The following AKAP7 variants were observed in gnomAD, a reference collection of about 807,000 sequenced individuals.
The protein encoded by AKAP7 is A-kinase anchoring protein 7.
In AKAP7, 39 loss-of-function variants were observed where a neutral mutation model predicts 39.5. The ratio of observed to expected loss-of-function variants is 0.99; its 90% CI spans 0.76 to 1.29. The LOEUF (loss-of-function observed/expected upper bound fraction) is 1.29, where lower values mean the gene tolerates loss of function less well. Ranked by LOEUF, AKAP7 falls within the 50% of genes most tolerant of loss-of-function variation. The probability of loss-of-function intolerance (pLI) is 0.00; values close to 1 mark genes in which losing one functional copy is unlikely to be tolerated. For synonymous variants in AKAP7, 140 were observed against 139.1 expected (o/e 1.01, Z -0.05); for missense variants, 414 against 407.7 (o/e 1.02, Z -0.13).
intron 7 of AKAP7, among the ~76,000 whole-genome samples, chr6:131,232,118 C>A (rs553581023): frequency 6.6e-6 from 1 of 152,218 alleles, no homozygotes; most frequent in African/African-American, 2.4e-5. Context: ...AAAATCCAAC[C>A]GTCTGTTGGT....
rs761831718 is a variant in AKAP7, at chr6:131,242,640, A to G, written c.850+22832A>G. The stretch of plus-strand genomic sequence containing the variant: ...CTAGTAGCTTGCCTATTCTGAGCCC[A>G]TTTTCTTCGTTTTCACTGTGATAAA... On this transcript the variant is annotated intron_variant, in intron 7 of 7. Transcript: ENST00000431975. Among the ~76,000 whole-genome samples the G allele has an allele frequency of 5.3e-5, 8 of 151,916 alleles. No homozygotes were observed. The East Asian group carries it at 1.5e-3, about 29-fold the overall frequency.
chr6:131,162,977 G>T (rs1328835664), intron 3 of AKAP7, among the ~76,000 whole-genome samples: 1 of 150,992 alleles, frequency 6.6e-6, no homozygotes. Flanking sequence ...AAGAGTAGGT[G>T]CGCACACATA....
intron 7 of AKAP7, among the ~76,000 whole-genome samples, chr6:131,233,056 TATATC>T (rs1193990680): frequency 6.6e-6 from 1 of 152,066 alleles, no homozygotes; most frequent in Non-Finnish European, 1.5e-5. Flanking sequence ...TACAATATTT[TATATC>T]ATAGGTGAAG....
At chr6:131,145,696 T>C (rs1197647041) in intron 2 of AKAP7, among the ~76,000 whole-genome samples, 3 of 152,068 alleles carry the variant, frequency 2.0e-5, no homozygotes, top group African/African-American at 7.2e-5. Context: ...ACCACAGGCA[T>C]GTGTGGCACC....
intron 4 of AKAP7, 120 bp from the exon 5 acceptor site, chr6:131,168,993 T>G: frequency 1.1e-6 from 1 of 904,216 alleles, no homozygotes. Flanking sequence ...ATTTTGAGCC[T>G]TAAAATAATT....
chr6:131,261,769 G>GTAAA, intron 7 of AKAP7, among the ~76,000 whole-genome samples: 1 of 152,202 alleles, frequency 6.6e-6, no homozygotes, highest in African/African-American at 2.4e-5. Flanking sequence ...TTAGTCCGCT[G>GTAAA]TAAATAAAAC....
At chr6:131,235,578 C>G (rs1009769204) in intron 7 of AKAP7, among the ~76,000 whole-genome samples, 10 of 152,162 alleles carry the variant, frequency 6.6e-5, no homozygotes, top group Admixed American at 1.3e-4. Context: ...CTGTTGTTTC[C>G]TGACTTTTTA....
chr6:131,250,451 T>C, intron 7 of AKAP7: 1 of 1,566,980 alleles, frequency 6.4e-7, no homozygotes, highest in Non-Finnish European at 8.7e-7. Flanking sequence ...AAGCTGCCTG[T>C]GCTGCTCCGT....
intron 2 of AKAP7, among the ~76,000 whole-genome samples, chr6:131,146,247 C>T (rs892778017): frequency 1.3e-5 from 2 of 152,190 alleles, no homozygotes; most frequent in East Asian, 3.9e-4. Flanking sequence ...TTGAGAGCTT[C>T]ATTCACAAAC....
intron 7 of AKAP7, among the ~76,000 whole-genome samples, chr6:131,275,632 C>T (rs183992781): frequency 1.0e-3 from 158 of 152,274 alleles, no homozygotes; most frequent in African/African-American, 3.7e-3. Context: ...AGGTGGGCTG[C>T]GTGGCCTACA....
At chr6:131,175,882 C>G (rs1166847225) in intron 5 of AKAP7, among the ~76,000 whole-genome samples, 1 of 152,160 alleles carries the variant, frequency 6.6e-6, no homozygotes, top group Non-Finnish European at 1.5e-5. Context: ...TTGTACTTCT[C>G]CACAACTATC....
chr6:131,139,497 C>G (rs1306357424), intron 1 of AKAP7, among the ~76,000 whole-genome samples: 1 of 152,120 alleles, frequency 6.6e-6, no homozygotes, highest in African/African-American at 2.4e-5. Flanking sequence ...GATACTAGTA[C>G]TTTTCCTTTA....
chr6:131,140,332 T>G (rs999641017), intron 1 of AKAP7, among the ~76,000 whole-genome samples: 3 of 152,184 alleles, frequency 2.0e-5, no homozygotes, highest in African/African-American at 7.2e-5. Flanking sequence ...ATTGTTACCG[T>G]GTGATTCTCT....
intron 5 of AKAP7, among the ~76,000 whole-genome samples, chr6:131,178,269 T>G (rs1804764834): frequency 6.6e-6 from 1 of 152,218 alleles, no homozygotes; most frequent in South Asian, 2.1e-4. Context: ...AGCAATTTAC[T>G]TCACCTCCCA....
At chr6:131,265,851 A>G (rs988312401) in intron 7 of AKAP7, among the ~76,000 whole-genome samples, 5 of 152,210 alleles carry the variant, frequency 3.3e-5, no homozygotes, top group Non-Finnish European at 7.3e-5. Flanking sequence ...TTTTGACTTC[A>G]ATGTGTGGGG....
At chr6:131,257,421 A>G (rs186894513) in intron 7 of AKAP7, among the ~76,000 whole-genome samples, 11 of 150,796 alleles carry the variant, frequency 7.3e-5, no homozygotes, top group East Asian at 2.0e-4. Context: ...TTTTATTTCT[A>G]CCTTATGCAG....
upstream of AKAP7, among the ~76,000 whole-genome samples, chr6:131,134,046 A>T (rs902549379): frequency 1.3e-5 from 2 of 152,150 alleles, no homozygotes; most frequent in African/African-American, 4.8e-5. Flanking sequence ...ATCTCAGCTC[A>T]CTGCAACCTC....
At chr6:131,224,111 C>T (rs1396455265) in intron 7 of AKAP7, among the ~76,000 whole-genome samples, 6 of 152,078 alleles carry the variant, frequency 3.9e-5, no homozygotes, top group South Asian at 2.1e-4. Flanking sequence ...CAAATGCTTT[C>T]GTGGGTCACA....
chr6:131,199,911 C>A, intron 6 of AKAP7: 1 of 269,148 alleles, frequency 3.7e-6, no homozygotes, highest in East Asian at 1.4e-4. Flanking sequence ...TTATTTGCAT[C>A]CTGTTGCTCT....
Sources: allele counts gnomAD v4.1 joint callset (sites outside exome capture counted in the v4.1 genomes callset), GRCh38; gene constraint gnomAD v4.1.1; transcripts MANE v1.5; gene names NCBI Gene and HGNC (gene_info 2026-07-23, HGNC 2026-07-21).